FAM171B: variants seen among roughly 807,000 people sequenced by gnomAD.
FAM171B encodes the protein protein FAM171B.
FAM171B carries 19 observed loss-of-function variants against 75.6 expected under a neutral mutation model. The observed-to-expected ratio is 0.25, with a 90% confidence interval of 0.18 to 0.37. The LOEUF (loss-of-function observed/expected upper bound fraction) is 0.37, where lower values mean the gene tolerates loss of function less well. Among genes scored for constraint, FAM171B ranks in the 10% least tolerant of loss-of-function variants. FAM171B has a pLI of 1.00. For missense variants in FAM171B, 848 were observed against 982.4 expected (o/e 0.86, Z 1.83); for synonymous variants, 367 against 361.7 (o/e 1.01, Z -0.17).
intron 6 of FAM171B, among the ~76,000 whole-genome samples, chr2:186,757,408 A>G (rs2105792040): frequency 6.6e-6 from 1 of 152,174 alleles, no homozygotes; most frequent in South Asian, 2.1e-4. Flanking sequence ...GACCAAATAT[A>G]TATATATATA....
intron 3 of FAM171B, among the ~76,000 whole-genome samples, chr2:186,746,674 C>A (rs2105788174): frequency 6.6e-6 from 1 of 152,312 alleles, no homozygotes; most frequent in East Asian, 1.9e-4. Flanking sequence ...CACATTGTAT[C>A]TCATTAACTG....
chr2:186,697,832 T>C (rs534000217), intron 1 of FAM171B, among the ~76,000 whole-genome samples: 3 of 152,332 alleles, frequency 2.0e-5, no homozygotes, highest in African/African-American at 7.2e-5. Context: ...TAAAAATTTA[T>C]GTCTCTTTGT....
chr2:186,694,391 C>G lies in FAM171B; in HGVS notation c.218C>G (p.Thr73Ser). 1 of 1,612,494 alleles carries G rather than the reference C, an allele frequency of 6.2e-7. No homozygotes were observed. The highest frequency in any genetic ancestry group is 8.5e-7 in the Non-Finnish European group (1 of 1,179,440). The change falls in exon 1 of 8, where the codon ACC (threonine) becomes AGC (serine). Residue 73 changes from threonine to serine, a missense_variant. Physicochemically the swap from Thr to Ser is moderately conservative, Grantham distance 58. Around this residue, in one of 3 missense-constraint regions of FAM171B, gnomAD observed 665 missense variants for 729.0 expected, o/e 0.91. Transcript: ENST00000304698. ...EEERTEVPGA[T>S]STLTVPVSVF... ...GAGAGGACAGAGGTGCCTGGGGCAACCTCCACCTTGACGGTTCCAGGTAGG... is the reference window on the plus strand; with the variant it reads ...GAGAGGACAGAGGTGCCTGGGGCAAGCTCCACCTTGACGGTTCCAGGTAGG...
rs1184802048 is a variant in FAM171B at position 186,751,053 on chromosome 2, CTATT to C, written c.725-75_725-72del. 6.8e-6 allele frequency: 7 copies of C among 1,034,984 alleles called. No individual in the cohort carries two copies. In the Admixed American group the frequency reaches 9.6e-5, roughly 14 times the overall value. The allele number at this position is 1,034,984 out of a possible 1,614,324, so 64.1% of individuals were successfully genotyped here. On this transcript the variant is annotated intron_variant, in intron 4 of 7. Coordinates refer to ENST00000304698, the MANE Select transcript of FAM171B (RefSeq NM_177454.4). ...GATAACCCTTGGTGAAATAGAGGAA[CTATT>C]TATTTTAGACCTATAATAATTAGGT...
intron 1 of FAM171B, among the ~76,000 whole-genome samples, chr2:186,736,433 C>T (rs1309762462): frequency 1.3e-5 from 2 of 151,830 alleles, no homozygotes; most frequent in Non-Finnish European, 2.9e-5. Flanking sequence ...TAGAATAACG[C>T]ACTTAAAAAC....
rs202060142 is a variant in FAM171B at position 186,743,457 on chromosome 2, T to A, written c.473-26T>A. ...TTTTTTCCCCTCACATTAAGTAAAA[T>A]ATTCTAATTGTGCTATATTTCACAG... On this transcript the variant is annotated intron_variant, in intron 2 of 7. Coordinates refer to ENST00000304698, the MANE Select transcript of FAM171B (RefSeq NM_177454.4). 1.3e-4 allele frequency: 193 copies of A among 1,518,262 alleles called. 1 individual carries two copies. In the East Asian group the frequency reaches 3.5e-3, roughly 27 times the overall value. 94.0% of individuals were successfully genotyped at this position (1,518,262 alleles called of 1,614,324 possible).
rs185870368 is a variant in FAM171B, at chr2:186,727,477, A to G, written c.239-12751A>G. 2.0e-5 allele frequency among the ~76,000 whole-genome samples: 3 copies of G among 152,280 alleles called. No individual in the cohort carries two copies. The East Asian group carries it at 5.8e-4, about 29-fold the overall frequency. Reference sequence around the variant, plus strand: ...AGACAGTGTAGAACAGGGTTCTGCAAACTTTTTCTGTAGAGTGCCAGATAG... The same window carrying G: ...AGACAGTGTAGAACAGGGTTCTGCAGACTTTTTCTGTAGAGTGCCAGATAG... On this transcript the variant is annotated intron_variant, in intron 1 of 7. Transcript: ENST00000304698.
intron 1 of FAM171B, among the ~76,000 whole-genome samples, chr2:186,736,554 GTGTGTGTGTGT>G (rs1196013988): frequency 8.0e-6 from 1 of 125,070 alleles, no homozygotes; most frequent in Non-Finnish European, 1.7e-5. Context: ...GTGTGTGTGT[GTGTGTGTGTGT>G]GGGAGAGAGA....
intron 1 of FAM171B, among the ~76,000 whole-genome samples, chr2:186,724,949 G>A (rs1413645645): frequency 1.3e-5 from 2 of 152,176 alleles, no homozygotes; most frequent in Non-Finnish European, 2.9e-5. Flanking sequence ...CCTCTAAGGA[G>A]GAATATCTTC....
At chr2:186,700,939 C>T (rs750073628) in intron 1 of FAM171B, among the ~76,000 whole-genome samples, 2 of 151,050 alleles carry the variant, frequency 1.3e-5, no homozygotes, top group Non-Finnish European at 2.9e-5. Context: ...TTTTTTCATA[C>T]GGACTCTTGC....
intron 1 of FAM171B, among the ~76,000 whole-genome samples, chr2:186,738,845 A>G (rs1690244964): frequency 6.6e-6 from 1 of 152,176 alleles, no homozygotes; most frequent in South Asian, 2.1e-4. Context: ...TGCCTTAATA[A>G]CAAATACAGC....
chr2:186,699,381 T>C (rs1689626007), intron 1 of FAM171B, among the ~76,000 whole-genome samples: 1 of 152,218 alleles, frequency 6.6e-6, no homozygotes, highest in African/African-American at 2.4e-5. Context: ...TGATCAGTGA[T>C]GTTGAGACCT....
intron 6 of FAM171B, among the ~76,000 whole-genome samples, chr2:186,758,796 G>A (rs1451904730): frequency 1.3e-5 from 2 of 151,922 alleles, no homozygotes; most frequent in African/African-American, 4.8e-5. Flanking sequence ...CAACATAAAT[G>A]GGGTATTACC....
chr2:186,761,033 T>C (rs1185306220), intron 6 of FAM171B, 80 bp from the exon 7 acceptor site: 1 of 1,437,032 alleles, frequency 7.0e-7, no homozygotes, highest in Admixed American at 2.2e-5. Flanking sequence ...ACTTATTCAA[T>C]TTGCCTCACC....
intron 1 of FAM171B, among the ~76,000 whole-genome samples, chr2:186,711,563 A>C (rs1689809779): frequency 6.6e-6 from 1 of 152,204 alleles, no homozygotes; most frequent in Admixed American, 6.5e-5. Flanking sequence ...TCCTGGTTCC[A>C]GTCATTCCCA....
chr2:186,751,344 AT>A (rs937705263), intron 5 of FAM171B, 40 bp downstream of exon 5: 2 of 1,456,674 alleles, frequency 1.4e-6, no homozygotes, highest in African/African-American at 1.4e-5. Context: ...TATTTTACAT[AT>A]TTGTCAATTG....
chr2:186,724,124 T>A (rs1689995790), intron 1 of FAM171B, among the ~76,000 whole-genome samples: 1 of 152,100 alleles, frequency 6.6e-6, no homozygotes, highest in Non-Finnish European at 1.5e-5. Flanking sequence ...GCACAGCAAG[T>A]TTGGTTGCTC....
At chr2:186,754,581 C>T (rs1236077224) in intron 6 of FAM171B, among the ~76,000 whole-genome samples, 1 of 152,114 alleles carries the variant, frequency 6.6e-6, no homozygotes, top group African/African-American at 2.4e-5. Flanking sequence ...TGTTCCTGAT[C>T]ATTCTAGAGC....
At chr2:186,703,550 C>T (rs1374945964) in intron 1 of FAM171B, among the ~76,000 whole-genome samples, 1 of 152,138 alleles carries the variant, frequency 6.6e-6, no homozygotes, top group Non-Finnish European at 1.5e-5. Flanking sequence ...ATGACACAAA[C>T]AGAAACAGGA....
Sources: gnomAD v4.1 joint callset for allele counts (sites outside exome capture counted in the v4.1 genomes callset) on GRCh38, gnomAD v4.1.1 for gene constraint, gnomAD v4.1.1 regional missense constraint, MANE v1.5 for transcripts, NCBI Gene and HGNC (gene_info 2026-07-23, HGNC 2026-07-21) for gene names.